Variants in GOLGA4 observed in about 807,000 individuals in gnomAD.
GOLGA4 encodes golgin A4.
GOLGA4 carries 169 observed loss-of-function variants against 265.9 expected under a neutral mutation model. The observed-to-expected ratio is 0.64, with a 90% CI of 0.56 to 0.72. The LOEUF (loss-of-function observed/expected upper bound fraction) is 0.72, where lower values mean the gene tolerates loss of function less well. Among genes scored for constraint, GOLGA4 ranks in the 30% least tolerant of loss-of-function variants. GOLGA4 has a pLI of 0.00. For missense variants in GOLGA4, 2,482 were observed against 2,483.4 expected, an observed-to-expected ratio of 1.00 and a Z score of 0.01; for synonymous variants, 923 against 855.8, an observed-to-expected ratio of 1.08 and a Z score of -1.37.
At chr3:37,286,128 A>AT in intron 4 of GOLGA4, 67 bp downstream of exon 4, 1 of 474,778 alleles carries the variant, frequency 2.1e-6, no homozygotes, top group East Asian at 4.2e-5. Flanking sequence ...ATATAGTAAG[A>AT]TATTTCTTTC....
chr3:37,355,072 TTA>T (rs772792882), intron 21 of GOLGA4, 27 bp from the exon 22 acceptor site: 1 of 1,255,244 alleles, frequency 8.0e-7, no homozygotes, highest in South Asian at 1.2e-5. Flanking sequence ...TCACTGTCTG[TTA>T]GTGATCATCT....
rs549035722 is a variant in GOLGA4, at chr3:37,319,292, C to G, written c.1545+98C>G. 1.1e-5 allele frequency: 10 copies of G among 945,724 alleles called. No individual in the cohort carries two copies. In the East Asian group the frequency reaches 2.6e-4, roughly 24 times the overall value. The allele number at this position is 945,724 out of a possible 1,614,324, so 58.6% of individuals were successfully genotyped here. A position where few individuals can be genotyped will look rare whatever the true frequency, so the allele number is the denominator to read the frequency against. On this transcript the variant is annotated intron_variant, in intron 12 of 23. Coordinates refer to ENST00000361924, the MANE Select transcript of GOLGA4 (RefSeq NM_002078.5). ...TGCATTCCAGTTGGAAGTCAGACTA[C>G]TGGCAGTCTTGACGTTTGGGTATAA...
chr3:37,349,709 T>G (rs540099905), intron 21 of GOLGA4, among the ~76,000 whole-genome samples: 1 of 152,254 alleles, frequency 6.6e-6, no homozygotes, highest in East Asian at 1.9e-4. Context: ...TTCTATACAT[T>G]AACAAAGAAT....
intron 16 of GOLGA4, among the ~76,000 whole-genome samples, chr3:37,329,633 G>A (rs1182628762): frequency 5.9e-5 from 9 of 152,096 alleles, no homozygotes; most frequent in Non-Finnish European, 1.2e-4. Context: ...TTTAGTGGAA[G>A]GTTATTTCAA....
intron 2 of GOLGA4, among the ~76,000 whole-genome samples, chr3:37,262,248 G>C (rs2096771668): frequency 6.6e-6 from 1 of 152,328 alleles, no homozygotes; most frequent in East Asian, 1.9e-4. Context: ...GCTCACGCCT[G>C]TAATCTCAGC....
In GOLGA4 at chr3:37,285,552, G is replaced by T. The variant is rs1289523447; in HGVS notation, c.478-462G>T. Among the ~76,000 whole-genome samples the T allele has an allele frequency of 2.6e-5, 4 of 152,312 alleles. No individual in the cohort carries two copies. In the South Asian group the frequency reaches 6.2e-4, roughly 24 times the overall value. On this transcript the variant is annotated intron_variant, in intron 3 of 23. Coordinates refer to ENST00000361924, the MANE Select transcript of GOLGA4 (RefSeq NM_002078.5). ...ATTACATGATCTCTTATAGTCCAAA[G>T]CAGAAAAATTGCCTGGTGAGCTCAT...
intron 20 of GOLGA4, among the ~76,000 whole-genome samples, chr3:37,344,602 AG>A (rs1480879086): frequency 1.3e-5 from 2 of 148,794 alleles, no homozygotes; most frequent in African/African-American, 2.5e-5. Flanking sequence ...CAAAGTGCTG[AG>A]ATTTCAGGAG....
At chr3:37,245,541 C>T (rs1372496074) in intron 1 of GOLGA4, 2 of 152,092 alleles carry the variant, frequency 1.3e-5, no homozygotes, top group Admixed American at 6.6e-5. Context: ...ATTGAGTGTG[C>T]TTTTTCTTAT....
At chr3:37,341,134 T>TAA (rs879311059) in intron 20 of GOLGA4, among the ~76,000 whole-genome samples, 1 of 146,194 alleles carries the variant, frequency 6.8e-6, no homozygotes, top group Non-Finnish European at 1.5e-5. Context: ...GCCATTGCAC[T>TAA]AAAAAAAAAA....
chr3:37,257,993 A>G (rs143128990), intron 2 of GOLGA4, among the ~76,000 whole-genome samples: 2,746 of 57,056 alleles, frequency 0.048, 301 homozygotes, highest in Non-Finnish European at 0.088. Flanking sequence ...ATGTATGTAT[A>G]TATGTATATA....
At chr3:37,347,158 G>C (rs778672224) in intron 20 of GOLGA4, 35 bp from the exon 21 acceptor site, 1 of 1,261,900 alleles carries the variant, frequency 7.9e-7, no homozygotes, top group Admixed American at 1.7e-5. Flanking sequence ...ACCTGGTTTT[G>C]TCTTTACAGT....
chr3:37,266,992 T>C, intron 2 of GOLGA4: 1 of 819,542 alleles, frequency 1.2e-6, no homozygotes, highest in South Asian at 1.5e-5. Flanking sequence ...GCAAAGTAAT[T>C]TGGCAATTGT....
rs2096975614 is a variant in GOLGA4 at position 37,327,494 on chromosome 3, C to T, written c.5608C>T (p.His1870Tyr). The change falls in exon 14 of 24, where the codon CAT becomes TAT. Residue 1870 changes from histidine (H) to tyrosine (Y), a missense_variant. Physicochemically the swap from His to Tyr is moderately conservative, Grantham distance 83 (BLOSUM62 2). Around this residue, in one of 3 missense-constraint regions of GOLGA4, gnomAD observed 942 missense variants for 983.1 expected, o/e 0.96. Transcript: ENST00000361924. ...CTGCTTAGTAAGACAGAAAGAAGTA[C>T]ATAGAGTTGAAATGGAAGAGTTGAC... ...DSCLVRQKEV[H>Y]RVEMEELTSK... 2 of 1,613,016 alleles carry T rather than the reference C, an allele frequency of 1.2e-6. No individual in the cohort carries two copies. The highest frequency in any genetic ancestry group is 8.5e-7 in the Non-Finnish European group (1 of 1,179,212).
intron 15 of GOLGA4, 150 bp downstream of exon 15, chr3:37,328,687 C>G: frequency 1.2e-6 from 1 of 807,366 alleles, no homozygotes; most frequent in East Asian, 2.7e-5. Flanking sequence ...TGGGAACCTG[C>G]CCTGCTTGGC....
At chr3:37,298,134 A>G (rs571344050) in intron 7 of GOLGA4, among the ~76,000 whole-genome samples, 2 of 152,332 alleles carry the variant, frequency 1.3e-5, no homozygotes, top group African/African-American at 2.4e-5. Context: ...CTGCCTAGAC[A>G]GAGCTGATTT....
chr3:37,355,820 G>A (rs1384670738), intron 22 of GOLGA4, among the ~76,000 whole-genome samples: 1 of 152,078 alleles, frequency 6.6e-6, no homozygotes, highest in East Asian at 1.9e-4. Flanking sequence ...TATGAAACTT[G>A]AAAAATTTGG....
chr3:37,329,236 G>T, intron 16 of GOLGA4, 143 bp downstream of exon 16: 1 of 565,702 alleles, frequency 1.8e-6, no homozygotes, highest in Non-Finnish European at 3.0e-6. Context: ...AATTAGTACT[G>T]TTATATGCAG....
intron 12 of GOLGA4, chr3:37,319,709 C>T (rs555387113): frequency 9.2e-5 from 14 of 152,300 alleles, no homozygotes; most frequent in South Asian, 6.2e-4. Context: ...TAAGCCACCG[C>T]GCTTGGCCAC....
chr3:37,324,356 T>C lies in GOLGA4; in HGVS notation c.2470T>C (p.Leu824=). 1 of 1,614,190 alleles carries C rather than the reference T, an allele frequency of 6.2e-7. No individual in the cohort carries two copies. The highest frequency in any genetic ancestry group is 1.3e-5 in the African/African-American group (1 of 75,058). Reference sequence around the variant, plus strand: ...AGCATATGAGGAACAGTTGGCCCAATTGCAGCAGAAGTTGTTGGATTTGGA... The same window carrying C: ...AGCATATGAGGAACAGTTGGCCCAACTGCAGCAGAAGTTGTTGGATTTGGA... ...TKAYEEQLAQ[L]QQKLLDLETE... is the part of the protein sequence containing the mutation. The change falls in exon 14 of 24, where the codon TTG becomes CTG. Residue 824 remains leucine, a synonymous_variant. Coordinates refer to ENST00000361924, the MANE Select transcript of GOLGA4 (RefSeq NM_002078.5).
Sources: gnomAD v4.1 joint callset for allele counts (sites outside exome capture counted in the v4.1 genomes callset) on GRCh38, gnomAD v4.1.1 for gene constraint, gnomAD v4.1.1 regional missense constraint, MANE v1.5 for transcripts, NCBI Gene and HGNC (gene_info 2026-07-23, HGNC 2026-07-21) for gene names.